MGST2: variants seen among roughly 807,000 people sequenced by gnomAD.
The protein encoded by MGST2 is glutathione peroxidase MGST2.
Under a neutral mutation model 16.6 loss-of-function variants are expected in MGST2, and 9 were observed. The observed-to-expected ratio is 0.54, with a 90% confidence interval of 0.33 to 0.95. The LOEUF is 0.95. Ranked by LOEUF, MGST2 falls within the 40% of genes least tolerant of loss-of-function variation. The pLI is 0.03. For missense variants in MGST2, 159 were observed against 175.1 expected (o/e 0.91, Z 0.52); for synonymous variants, 79 against 68.0 (o/e 1.16, Z -0.79).
intron 1 of MGST2, among the ~76,000 whole-genome samples, chr4:139,672,099 C>T (rs1730722645): frequency 6.6e-6 from 1 of 152,190 alleles, no homozygotes; most frequent in Non-Finnish European, 1.5e-5. Flanking sequence ...CTCAGTACCT[C>T]TTCCATTTAC....
intron 3 of MGST2, among the ~76,000 whole-genome samples, chr4:139,700,201 G>C (rs1320859952): frequency 7.4e-6 from 1 of 135,062 alleles, no homozygotes; most frequent in Non-Finnish European, 1.5e-5. Flanking sequence ...GTGCGATCTC[G>C]GCTCACTGCA....
intron 1 of MGST2, among the ~76,000 whole-genome samples, chr4:139,672,719 T>A (rs970283660): frequency 6.6e-6 from 1 of 151,942 alleles, no homozygotes; most frequent in Non-Finnish European, 1.5e-5. Flanking sequence ...CTCAGCTAAT[T>A]TTTGTATTTT....
chr4:139,703,228 C>T (rs1258076219), intron 3 of MGST2, among the ~76,000 whole-genome samples: 3 of 151,956 alleles, frequency 2.0e-5, no homozygotes, highest in South Asian at 2.1e-4. Flanking sequence ...CGTCCAGCCT[C>T]ATTATAGATT....
At chr4:139,709,934 T>C (rs1353846125) in intron 5 of MGST2, among the ~76,000 whole-genome samples, 1 of 152,100 alleles carries the variant, frequency 6.6e-6, no homozygotes, top group African/African-American at 2.4e-5. Context: ...AGGACACTAG[T>C]GGAGGAATTT....
At chr4:139,719,341 TTCA>T in intron 5 of MGST2, 1 of 1,594,476 alleles carries the variant, frequency 6.3e-7, no homozygotes, top group Non-Finnish European at 8.6e-7. Flanking sequence ...TACCAAACAA[TTCA>T]TCAAGCTCCT....
At chr4:139,712,072 C>A (rs1162995445) in intron 5 of MGST2, among the ~76,000 whole-genome samples, 1 of 152,126 alleles carries the variant, frequency 6.6e-6, no homozygotes, top group Admixed American at 6.5e-5. Flanking sequence ...TGTATTCCTA[C>A]ACAAAGAGTA....
chr4:139,728,042 C>A (rs1728548314), intron 5 of MGST2, among the ~76,000 whole-genome samples: 1 of 152,062 alleles, frequency 6.6e-6, no homozygotes, highest in African/African-American at 2.4e-5. Context: ...ATGGTGAAAC[C>A]CCATCTCTAC....
chr4:139,732,108 A>T (rs1237415643), intron 5 of MGST2, among the ~76,000 whole-genome samples: 1 of 152,266 alleles, frequency 6.6e-6, no homozygotes, highest in East Asian at 1.9e-4. Context: ...CTAAATAGCA[A>T]GAAGCAAATG....
intron 1 of MGST2, among the ~76,000 whole-genome samples, chr4:139,677,398 A>T (rs8192057): frequency 0.012 from 1,791 of 152,324 alleles, 20 homozygotes; most frequent in South Asian, 0.034. Flanking sequence ...AAATCAAAGC[A>T]GGGGCTTCCA....
chr4:139,742,149 C>CT (rs67056013), downstream of MGST2, among the ~76,000 whole-genome samples: 22 of 113,680 alleles, frequency 1.9e-4, no homozygotes, highest in South Asian at 5.8e-4. Flanking sequence ...CTTTTCTTTT[C>CT]TTTTTTTTTT....
Position 139,671,397 on chromosome 4 carries a change from A to C in MGST2, c.58+5320A>C, listed in dbSNP as rs534609193. ...ATCTAGAGGTTTTAATCAACTCATA[A>C]GGGAAATAAAGTTGAAACTCTACAG... is the stretch of plus-strand genomic sequence containing the variant. On this transcript the variant is annotated intron_variant, in intron 1 of 4. Transcript: ENST00000265498. Among the ~76,000 whole-genome samples the C allele has an allele frequency of 2.6e-5, 4 of 152,324 alleles. No individual in the cohort carries two copies. The East Asian group carries it at 5.8e-4, about 22-fold the overall frequency.
intron 5 of MGST2, among the ~76,000 whole-genome samples, chr4:139,727,990 C>A (rs1180730320): frequency 1.3e-5 from 2 of 152,142 alleles, no homozygotes; most frequent in Non-Finnish European, 2.9e-5. Context: ...CCGAGGCAGG[C>A]AGATTGCTTG....
chr4:139,725,951 G>T, intron 5 of MGST2: 1 of 834,658 alleles, frequency 1.2e-6, no homozygotes. Flanking sequence ...ACTTTGTGTT[G>T]AAGAATCATA....
chr4:139,691,478 T>A (rs1726576292), intron 2 of MGST2, among the ~76,000 whole-genome samples: 1 of 152,136 alleles, frequency 6.6e-6, no homozygotes, highest in African/African-American at 2.4e-5. Flanking sequence ...TGGGACACCA[T>A]CCAGGCCTGG....
At chr4:139,685,570 G>T (rs1731514908) in intron 2 of MGST2, 1 of 152,156 alleles carries the variant, frequency 6.6e-6, no homozygotes, top group South Asian at 2.1e-4. Context: ...TTAACAGGAA[G>T]TCATCATGAT....
At chr4:139,730,729 G>A in intron 5 of MGST2, 3 of 1,486,136 alleles carry the variant, frequency 2.0e-6, no homozygotes, top group South Asian at 1.2e-5. Flanking sequence ...GCTGTTTGAA[G>A]GGAAGCCCCT....
At chr4:139,732,539 TGAATGGAA>T (rs1183178271) in intron 5 of MGST2, among the ~76,000 whole-genome samples, 1 of 151,118 alleles carries the variant, frequency 6.6e-6, no homozygotes, top group Non-Finnish European at 1.5e-5. Context: ...ACACAATCAA[TGAATGGAA>T]GACACAGAAC....
chr4:139,703,934 G>T (rs1323567432), intron 4 of MGST2, 82 bp from the exon 5 acceptor site: 1 of 1,567,346 alleles, frequency 6.4e-7, no homozygotes. Flanking sequence ...CAGTGTTAAC[G>T]ATAGGACAGC....
intron 2 of MGST2, among the ~76,000 whole-genome samples, chr4:139,685,883 C>CA (rs1384871642): frequency 1.3e-5 from 2 of 152,174 alleles, no homozygotes; most frequent in African/African-American, 4.8e-5. Flanking sequence ...AGGCTGGTCT[C>CA]AAAGTCCTGA....
Sources: gnomAD v4.1 joint callset for allele counts (sites outside exome capture counted in the v4.1 genomes callset) on GRCh38, gnomAD v4.1.1 for gene constraint, MANE v1.5 for transcripts, NCBI Gene and HGNC (gene_info 2026-07-23, HGNC 2026-07-21) for gene names.